PATJ: variants seen among roughly 807,000 people sequenced by gnomAD.
The protein encoded by PATJ is PATJ crumbs cell polarity complex component, also known as inaD-like protein.
PATJ carries 190 observed loss-of-function variants against 224.9 expected under a neutral mutation model. That is an observed-to-expected ratio of 0.84 (90% CI 0.75 to 0.95). The LOEUF (loss-of-function observed/expected upper bound fraction) is 0.95. Among genes scored for constraint, PATJ ranks in the 40% least tolerant of loss-of-function variants. The pLI is 0.00. For missense variants in PATJ, 2,121 were observed against 2,270.3 expected (o/e 0.93, Z 1.34); for synonymous variants, 769 against 820.3 (o/e 0.94, Z 1.07).
chr1:61,803,461 G>T (rs140051614), intron 12 of PATJ, among the ~76,000 whole-genome samples: 2 of 151,982 alleles, frequency 1.3e-5, no homozygotes, highest in Non-Finnish European at 2.9e-5. Flanking sequence ...TCAATATAAC[G>T]GTCTTGGCAT....
At chr1:61,934,768 A>C (rs377648921) in intron 27 of PATJ, among the ~76,000 whole-genome samples, 3 of 152,186 alleles carry the variant, frequency 2.0e-5, no homozygotes, top group African/African-American at 7.2e-5. Flanking sequence ...CTGGGACGTT[A>C]TACAAACCTA....
intron 3 of PATJ, among the ~76,000 whole-genome samples, chr1:61,765,353 A>G (rs1284332617): frequency 2.0e-5 from 3 of 150,406 alleles, no homozygotes; most frequent in African/African-American, 7.3e-5. Context: ...CTGGGATTAC[A>G]GGTGTGAGCC....
In PATJ at chr1:61,889,345, G is replaced by A. The variant is rs571626115; in HGVS notation, c.3131+4937G>A. Among the ~76,000 whole-genome samples the A allele has an allele frequency of 6.6e-5, 10 of 152,276 alleles. No individual in the cohort carries two copies. In the South Asian group the frequency reaches 2.1e-3, roughly 32 times the overall value. Reference sequence around the variant, plus strand: ...TTAAGAGGTCAGGTGCCCCTTGAAAGGAGAGATCTCTAGAAAGGGGACTGT... The same window carrying A: ...TTAAGAGGTCAGGTGCCCCTTGAAAAGAGAGATCTCTAGAAAGGGGACTGT... On this transcript the variant is annotated intron_variant, in intron 22 of 43. Transcript: ENST00000642238.
At chr1:62,007,517 A>G (rs1366504415) in intron 28 of PATJ, among the ~76,000 whole-genome samples, 1 of 152,228 alleles carries the variant, frequency 6.6e-6, no homozygotes, top group Admixed American at 6.5e-5. Context: ...AGATTGAAAG[A>G]GGTATGTCAG....
rs189887625 is a variant in PATJ at position 61,827,555 on chromosome 1, G to A, written c.1952G>A (p.Arg651His). 3.5e-5 allele frequency: 57 copies of A among 1,613,674 alleles called. No homozygotes were observed. Among genetic ancestry groups the A allele is most frequent in the Non-Finnish European group, 4.3e-5 (51 of 1,179,802 alleles). The stretch of plus-strand genomic sequence containing the variant: ...GAAGCTTCTGTAGATGAACCAAGGC[G>A]CACTGAAACCTCTCTTCCTGAGACA... The part of the protein sequence containing the change: ...DDEASVDEPR[R>H]TETSLPETEV... Residue 651 changes from arginine to histidine, a missense_variant, in exon 16 of 44, where the codon CGC (arginine) becomes CAC (histidine). By Grantham distance (29) the Arg-to-His change is conservative. Transcript: ENST00000642238.
chr1:61,955,222 G>C (rs755888202), intron 27 of PATJ, among the ~76,000 whole-genome samples: 1 of 152,148 alleles, frequency 6.6e-6, no homozygotes. Context: ...TAGCATAGCC[G>C]CAGTTACTGT....
intron 41 of PATJ, among the ~76,000 whole-genome samples, chr1:62,136,648 CGTGTGTGTGTGTGTGTCTGT>C (rs1404647204): frequency 1.8e-4 from 13 of 71,302 alleles, no homozygotes; most frequent in South Asian, 5.6e-4. Context: ...TTATGTTTTG[CGTGTGTGTGTGTGTGTCTGT>C]GTGTGTGTGT....
chr1:61,927,609 A>G (rs1571332830), intron 26 of PATJ, 121 bp from the exon 27 acceptor site: 1 of 621,106 alleles, frequency 1.6e-6, no homozygotes, highest in Non-Finnish European at 2.8e-6. Context: ...AGTCCTCATG[A>G]TATGAATGAA....
At chr1:62,002,378 A>G (rs1645827316) in intron 28 of PATJ, among the ~76,000 whole-genome samples, 1 of 152,162 alleles carries the variant, frequency 6.6e-6, no homozygotes, top group Non-Finnish European at 1.5e-5. Context: ...CTGCCCCTAC[A>G]GGACTGATTC....
chr1:61,814,110 C>T (rs1172352363), intron 14 of PATJ, among the ~76,000 whole-genome samples: 1 of 146,360 alleles, frequency 6.8e-6, no homozygotes, highest in Admixed American at 6.9e-5. Context: ...AAGAGTCACC[C>T]AAAATTACAT....
intron 14 of PATJ, among the ~76,000 whole-genome samples, chr1:61,809,240 T>C (rs1432354269): frequency 6.6e-6 from 1 of 152,188 alleles, no homozygotes; most frequent in Admixed American, 6.6e-5. Flanking sequence ...AGAGAAGCCT[T>C]GTAGGCGGCC....
chr1:62,108,333 T>C (rs1570633304), intron 33 of PATJ, 104 bp from the exon 34 acceptor site: 1 of 547,668 alleles, frequency 1.8e-6, no homozygotes, highest in East Asian at 3.0e-5. Flanking sequence ...AGATAAAATA[T>C]AACATTATTA....
intron 41 of PATJ, among the ~76,000 whole-genome samples, chr1:62,138,475 T>A (rs539223703): frequency 2.0e-4 from 30 of 152,084 alleles, no homozygotes; most frequent in African/African-American, 7.2e-4. Flanking sequence ...GCCCAGCTAA[T>A]TTTTGTATTT....
At chr1:62,041,769 G>T (rs760030874) in intron 30 of PATJ, among the ~76,000 whole-genome samples, 58 of 152,208 alleles carry the variant, frequency 3.8e-4, no homozygotes, top group Admixed American at 4.6e-4. Context: ...GGTGGCTCAC[G>T]CCTGTAATCC....
intron 28 of PATJ, among the ~76,000 whole-genome samples, chr1:62,007,949 A>G (rs1357620594): frequency 5.3e-5 from 8 of 152,208 alleles, no homozygotes; most frequent in Admixed American, 1.3e-4. Context: ...GCCCATAACA[A>G]TAGCTTCACC....
intron 29 of PATJ, among the ~76,000 whole-genome samples, chr1:62,023,180 C>T (rs995454990): frequency 4.0e-5 from 6 of 151,594 alleles, no homozygotes; most frequent in Admixed American, 1.3e-4. Flanking sequence ...ATCCCAGGTA[C>T]TTGGGAGGCT....
At chr1:61,749,636 G>T (rs1219507259) in intron 1 of PATJ, among the ~76,000 whole-genome samples, 1 of 151,746 alleles carries the variant, frequency 6.6e-6, no homozygotes, top group Non-Finnish European at 1.5e-5. Context: ...GGCTGAGCAG[G>T]AACTGCCTAT....
At chr1:61,778,879 T>G (rs1204517371) in intron 7 of PATJ, among the ~76,000 whole-genome samples, 2 of 152,060 alleles carry the variant, frequency 1.3e-5, no homozygotes, top group Non-Finnish European at 2.9e-5. Context: ...TTTTACATTT[T>G]TAATAGAGAT....
chr1:62,065,046 C>T (rs1182582984), intron 31 of PATJ, among the ~76,000 whole-genome samples: 1 of 152,114 alleles, frequency 6.6e-6, no homozygotes, highest in East Asian at 1.9e-4. Context: ...TTTCACAGCT[C>T]ATTGTTCTTT....
Sources: allele counts gnomAD v4.1 joint callset (sites outside exome capture counted in the v4.1 genomes callset), GRCh38; gene constraint gnomAD v4.1.1; transcripts MANE v1.5; gene names NCBI Gene and HGNC (gene_info 2026-07-23, HGNC 2026-07-21).